Variants in MPP7 observed in about 807,000 individuals in gnomAD.
MPP7 encodes the protein MAGUK p55 subfamily member 7.
In MPP7, 60 loss-of-function variants were observed where a neutral mutation model predicts 76.5. The observed-to-expected ratio is 0.78, with a 90% CI of 0.64 to 0.97. MPP7 has a LOEUF of 0.97. MPP7 is among the 50% of genes least tolerant of loss of function. MPP7 has a pLI of 0.00. For synonymous variants in MPP7, 237 were observed against 244.5 expected, an observed-to-expected ratio of 0.97 and a Z score of 0.29; for missense variants, 641 against 694.0, an observed-to-expected ratio of 0.92 and a Z score of 0.86.
intron 11 of MPP7, among the ~76,000 whole-genome samples, chr10:28,094,376 A>C (rs1177909968): frequency 6.6e-6 from 1 of 152,156 alleles, no homozygotes; most frequent in Non-Finnish European, 1.5e-5. Flanking sequence ...CCGGACCAGT[A>C]CCTAGGCTCT....
intron 2 of MPP7, among the ~76,000 whole-genome samples, chr10:28,207,067 A>G (rs59019458): frequency 0.013 from 1,972 of 152,272 alleles, 45 homozygotes; most frequent in African/African-American, 0.045. Flanking sequence ...AGTAAGTGAA[A>G]TAACAGAAAG....
upstream of MPP7, chr10:28,306,013 GC>G (rs1245954892): frequency 1.3e-5 from 2 of 152,202 alleles, no homozygotes; most frequent in African/African-American, 4.8e-5. Flanking sequence ...CAGAATTGAA[GC>G]CCCTGGAGTA....
intron 3 of MPP7, among the ~76,000 whole-genome samples, chr10:28,153,003 C>T (rs1033570896): frequency 1.3e-5 from 2 of 152,070 alleles, no homozygotes; most frequent in Non-Finnish European, 2.9e-5. Context: ...CCTATAATCC[C>T]AGCACTTTAG....
intron 2 of MPP7, among the ~76,000 whole-genome samples, chr10:28,315,032 CA>C (rs1362011392): frequency 2.0e-5 from 3 of 151,944 alleles, no homozygotes; most frequent in Non-Finnish European, 4.4e-5. Context: ...CCTGTAGAAC[CA>C]GCTACCTGGT....
At chr10:28,241,282 T>C (rs1839260626) in intron 1 of MPP7, among the ~76,000 whole-genome samples, 1 of 152,188 alleles carries the variant, frequency 6.6e-6, no homozygotes, top group African/African-American at 2.4e-5. Flanking sequence ...CTCATATTTC[T>C]TGTTTTTTAT....
At chr10:28,152,607 C>G (rs998358408) in intron 3 of MPP7, among the ~76,000 whole-genome samples, 1 of 152,196 alleles carries the variant, frequency 6.6e-6, no homozygotes, top group African/African-American at 2.4e-5. Flanking sequence ...CTTTTGAGCA[C>G]TTGAGCTGTG....
At chr10:28,247,654 T>C (rs1440948370) in intron 1 of MPP7, among the ~76,000 whole-genome samples, 1 of 152,246 alleles carries the variant, frequency 6.6e-6, no homozygotes, top group East Asian at 1.9e-4. Context: ...AGCATATTCA[T>C]CTATTTTATT....
chr10:28,310,802 C>T (rs991267543), intron 2 of MPP7, among the ~76,000 whole-genome samples: 1 of 150,794 alleles, frequency 6.6e-6, no homozygotes, highest in African/African-American at 2.4e-5. Flanking sequence ...CTTTACCCTG[C>T]ACTGATCTGA....
At chr10:28,232,421 T>C (rs1381609413) in intron 2 of MPP7, among the ~76,000 whole-genome samples, 2 of 151,686 alleles carry the variant, frequency 1.3e-5, no homozygotes, top group African/African-American at 2.4e-5. Flanking sequence ...ATGGATTGGA[T>C]TGCTTTTCTC....
chr10:28,251,741 T>C (rs1332157999), intron 1 of MPP7, among the ~76,000 whole-genome samples: 1 of 151,744 alleles, frequency 6.6e-6, no homozygotes, highest in East Asian at 1.9e-4. Flanking sequence ...GAGGCCTCTA[T>C]TCCCTGGCAC....
chr10:28,120,871 A>G (rs1834814297), intron 8 of MPP7, among the ~76,000 whole-genome samples: 1 of 152,244 alleles, frequency 6.6e-6, no homozygotes, highest in Non-Finnish European at 1.5e-5. Context: ...AAGTTAAAAA[A>G]CATTAACTCC....
chr10:28,203,696 T>C (rs2133991870), intron 2 of MPP7, among the ~76,000 whole-genome samples: 1 of 152,258 alleles, frequency 6.6e-6, no homozygotes, highest in East Asian at 1.9e-4. Context: ...TAATCAACAA[T>C]GGCCAAGATC....
intron 2 of MPP7, among the ~76,000 whole-genome samples, chr10:28,209,654 C>T (rs956763411): frequency 6.6e-6 from 1 of 152,124 alleles, no homozygotes; most frequent in Non-Finnish European, 1.5e-5. Flanking sequence ...ACATCAAAGG[C>T]TTGTATTGAC....
intron 1 of MPP7, among the ~76,000 whole-genome samples, chr10:28,263,261 G>C (rs1221925061): frequency 6.6e-6 from 1 of 152,126 alleles, no homozygotes; most frequent in Non-Finnish European, 1.5e-5. Flanking sequence ...CTACCATCTG[G>C]TAGCAGCCAA....
chr10:28,277,532 C>G (rs918379040), intron 1 of MPP7, among the ~76,000 whole-genome samples: 1 of 151,982 alleles, frequency 6.6e-6, no homozygotes. Flanking sequence ...TGATTTATAA[C>G]ATATTTAAGG....
At chr10:28,062,595 T>C (rs1851838220) in intron 13 of MPP7, among the ~76,000 whole-genome samples, 1 of 146,078 alleles carries the variant, frequency 6.8e-6, no homozygotes, top group African/African-American at 2.6e-5. Flanking sequence ...AGGTTGGCTT[T>C]AATATTAGAA....
intron 2 of MPP7, among the ~76,000 whole-genome samples, chr10:28,329,447 T>G (rs1353593108): frequency 1.3e-5 from 2 of 151,946 alleles, no homozygotes; most frequent in Non-Finnish European, 2.9e-5. Flanking sequence ...GCTAACACAG[T>G]GAAACCCTGT....
intron 3 of MPP7, among the ~76,000 whole-genome samples, chr10:28,178,319 C>G (rs915245339): frequency 6.6e-6 from 1 of 151,944 alleles, no homozygotes; most frequent in Non-Finnish European, 1.5e-5. Flanking sequence ...CACCTGTCAC[C>G]AGGCCCTGCT....
rs1008277790 is a variant in MPP7, at chr10:28,053,094, T to A, written c.*971A>T. ...CACATGAAAAGTTTTCTAAAATAAA[T>A]CTTAGAGCAATTTAAAGAGGGGTGA... On this transcript the variant is annotated 3_prime_UTR_variant, in exon 17 of 17. Coordinates refer to ENST00000683449, the MANE Select transcript of MPP7 (RefSeq NM_001318170.2). The A allele has an allele frequency of 3.9e-5, 6 of 152,128 alleles. No homozygotes were observed. The highest frequency in any genetic ancestry group is 1.4e-4 in the African/African-American group (6 of 41,424). 9.4% of individuals were successfully genotyped at this position (152,128 alleles called of 1,614,324 possible). A position where few individuals can be genotyped will look rare whatever the true frequency, so the allele number is the denominator to read the frequency against.
Sources: allele counts gnomAD v4.1 joint callset (sites outside exome capture counted in the v4.1 genomes callset), GRCh38; gene constraint gnomAD v4.1.1; transcripts MANE v1.5; gene names NCBI Gene and HGNC (gene_info 2026-07-23, HGNC 2026-07-21).